Variants in NBEAL1 observed in about 807,000 individuals in gnomAD.
NBEAL1 encodes the protein neurobeachin like 1, also known as neurobeachin-like protein 1.
Under a neutral mutation model 351.3 loss-of-function variants are expected in NBEAL1, and 273 were observed. The ratio of observed to expected loss-of-function variants is 0.78; its 90% CI spans 0.70 to 0.86. The LOEUF is 0.86. Ranked by LOEUF, NBEAL1 falls within the 40% of genes least tolerant of loss-of-function variation. The probability of loss-of-function intolerance (pLI) is 0.00; values close to 1 mark genes in which losing one functional copy is unlikely to be tolerated. For missense variants in NBEAL1, 2,961 were observed against 3,201.3 expected, an observed-to-expected ratio of 0.92 and a Z score of 1.81; for synonymous variants, 1,050 against 1,086.4, an observed-to-expected ratio of 0.97 and a Z score of 0.66.
rs114158984 is a variant in NBEAL1, at chr2:203,084,584, T to C, written c.1098+15T>C. 7.5e-4 allele frequency: 1,047 copies of C among 1,386,928 alleles called. 14 individuals are homozygous for C. In the African/African-American group the frequency reaches 0.014, roughly 18 times the overall value. 85.9% of individuals were successfully genotyped at this position (1,386,928 alleles called of 1,614,324 possible). A position where few individuals can be genotyped will look rare whatever the true frequency, so the allele number is the denominator to read the frequency against. Reference sequence around the variant, plus strand: ...AGAACTGCAAGGTATTTTTCTATTATTGTTGTTGTCTTTGATTTTAAGAAG... The same window carrying C: ...AGAACTGCAAGGTATTTTTCTATTACTGTTGTTGTCTTTGATTTTAAGAAG... On this transcript the variant is annotated intron_variant, in intron 10 of 55. Coordinates refer to ENST00000683969, the MANE Select transcript of NBEAL1 (RefSeq NM_001378026.1).
intron 46 of NBEAL1, chr2:203,190,753 GTT>G: frequency 6.2e-7 from 1 of 1,608,450 alleles, no homozygotes. Context: ...CCGAATCCGG[GTT>G]CATCCAACAC....
chr2:203,109,718 C>T (rs191483260), intron 14 of NBEAL1, among the ~76,000 whole-genome samples: 1,710 of 152,206 alleles, frequency 0.011, 32 homozygotes, highest in African/African-American at 0.038. Context: ...CGGGGTTTCA[C>T]CACGTTGGCC....
At chr2:203,188,433 A>C in intron 44 of NBEAL1, 39 bp from the exon 45 acceptor site, 18 of 938,216 alleles carry the variant, frequency 1.9e-5, no homozygotes, top group Non-Finnish European at 2.6e-5. Flanking sequence ...TAGTTGGAAG[A>C]TATCTCTATA....
chr2:203,044,442 A>G (rs2061194266), intron 3 of NBEAL1, among the ~76,000 whole-genome samples: 2 of 152,204 alleles, frequency 1.3e-5, no homozygotes, highest in Non-Finnish European at 2.9e-5. Flanking sequence ...TGTTTGGAAT[A>G]TTAGAATGAA....
At chr2:203,216,598 A>T (rs1467463421) in intron 55 of NBEAL1, among the ~76,000 whole-genome samples, 1 of 152,128 alleles carries the variant, frequency 6.6e-6, no homozygotes, top group Non-Finnish European at 1.5e-5. Context: ...AAAATTAATT[A>T]AAAATTTTAA....
chr2:203,131,363 G>A (rs1225782203), intron 25 of NBEAL1, among the ~76,000 whole-genome samples: 3 of 151,984 alleles, frequency 2.0e-5, no homozygotes, highest in African/African-American at 4.8e-5. Context: ...CTACAGGCAC[G>A]CATCACCACA....
intron 2 of NBEAL1, among the ~76,000 whole-genome samples, chr2:203,032,728 C>A (rs1243439140): frequency 5.8e-5 from 8 of 136,906 alleles, no homozygotes; most frequent in African/African-American, 1.9e-4. Context: ...GCAATGGTGC[C>A]ATCTTGGCTC....
intron 47 of NBEAL1, among the ~76,000 whole-genome samples, chr2:203,194,421 A>C (rs2065178531): frequency 6.6e-6 from 1 of 152,208 alleles, no homozygotes; most frequent in African/African-American, 2.4e-5. Flanking sequence ...ATGCATTCAT[A>C]CCTATGAATG....
At chr2:203,190,742 C>G in intron 46 of NBEAL1, 1 of 1,605,718 alleles carries the variant, frequency 6.2e-7, no homozygotes, top group South Asian at 1.1e-5. Context: ...CTTCGGTCGT[C>G]CCGAATCCGG....
At chr2:203,036,117 G>C (rs2061036487) in intron 2 of NBEAL1, among the ~76,000 whole-genome samples, 1 of 149,198 alleles carries the variant, frequency 6.7e-6, no homozygotes, top group Non-Finnish European at 1.5e-5. Context: ...TGTTGTGTTA[G>C]TAAATAAATA....
At chr2:203,118,100 G>A (rs2062740778) in intron 18 of NBEAL1, among the ~76,000 whole-genome samples, 1 of 152,164 alleles carries the variant, frequency 6.6e-6, no homozygotes, top group African/African-American at 2.4e-5. Context: ...GGAGTCAAAA[G>A]AATGGTAAAG....
chr2:203,182,582 T>C (rs1355321209), intron 43 of NBEAL1: 1 of 152,254 alleles, frequency 6.6e-6, no homozygotes, highest in African/African-American at 2.4e-5. Flanking sequence ...TACACTGTGA[T>C]GGGTTTAACA....
At chr2:203,086,410 A>G (rs2061961461) in intron 10 of NBEAL1, among the ~76,000 whole-genome samples, 1 of 152,154 alleles carries the variant, frequency 6.6e-6, no homozygotes, top group East Asian at 1.9e-4. Flanking sequence ...GGCTTTAGAT[A>G]TCATCTATAA....
chr2:203,143,318 A>T (rs1396387694), intron 31 of NBEAL1, among the ~76,000 whole-genome samples: 1 of 147,136 alleles, frequency 6.8e-6, no homozygotes, highest in Non-Finnish European at 1.5e-5. Flanking sequence ...CTGACTATGT[A>T]TATTACTCGG....
At chr2:203,096,334 T>G (rs908638611) in intron 10 of NBEAL1, among the ~76,000 whole-genome samples, 2 of 152,196 alleles carry the variant, frequency 1.3e-5, no homozygotes, top group African/African-American at 4.8e-5. Flanking sequence ...TATAATACCA[T>G]ACCTCTATGC....
intron 18 of NBEAL1, 47 bp from the exon 19 acceptor site, chr2:203,122,207 T>A (rs1054273417): frequency 4.6e-6 from 5 of 1,080,644 alleles, no homozygotes; most frequent in Non-Finnish European, 6.7e-6. Context: ...GTTAAATTTA[T>A]GTTTTGTTCT....
chr2:203,123,614 G>A (rs2062877278), intron 19 of NBEAL1, among the ~76,000 whole-genome samples: 1 of 152,088 alleles, frequency 6.6e-6, no homozygotes, highest in South Asian at 2.1e-4. Flanking sequence ...GATTACAGGC[G>A]TGAGCCACCA....
In NBEAL1 at chr2:203,167,289, A is replaced by C. The variant is rs770393327; in HGVS notation, c.5926A>C (p.Asn1976His). 3 of 1,613,086 alleles carry C rather than the reference A, an allele frequency of 1.9e-6. No individual in the cohort carries two copies. The South Asian group carries it at 3.3e-5, about 18-fold the overall frequency. ...TCGAGAGATTCATCTCCGGCGTTAC[A>C]ATTTAAGAAGATCAGCCCTTGAGAT... ...QIREIHLRRYNLRRSALEIFH... is the reference protein window; with the variant it reads ...QIREIHLRRYHLRRSALEIFH... The change falls in exon 38 of 56, where the codon AAT becomes CAT. Residue 1976 changes from asparagine (N) to histidine (H), a missense_variant. Transcript: ENST00000683969.
At chr2:203,173,297 A>G (rs2064381366) in intron 41 of NBEAL1, among the ~76,000 whole-genome samples, 1 of 152,154 alleles carries the variant, frequency 6.6e-6, no homozygotes, top group Non-Finnish European at 1.5e-5. Flanking sequence ...AATTTAGAAC[A>G]TGTCATTTTG....
Sources: allele counts gnomAD v4.1 joint callset (sites outside exome capture counted in the v4.1 genomes callset), GRCh38; gene constraint gnomAD v4.1.1; transcripts MANE v1.5; gene names NCBI Gene and HGNC (gene_info 2026-07-23, HGNC 2026-07-21).